SDK1: variants seen among roughly 807,000 people sequenced by gnomAD.
SDK1 encodes protein sidekick-1.
SDK1 carries 157 observed loss-of-function variants against 245.5 expected under a neutral mutation model. The observed-to-expected ratio is 0.64, with a 90% CI of 0.56 to 0.73. The LOEUF (loss-of-function observed/expected upper bound fraction) is 0.73. Ranked by LOEUF, SDK1 falls within the 30% of genes least tolerant of loss-of-function variation. The pLI, the probability that SDK1 is intolerant of heterozygous loss-of-function variation, is 0.00. For synonymous variants in SDK1, 1,647 were observed against 1,278.5 expected, an observed-to-expected ratio of 1.29 and a Z score of -6.15; for missense variants, 3,583 against 3,002.3, an observed-to-expected ratio of 1.19 and a Z score of -4.52.
chr7:3,937,960 T>C (rs1482000970), intron 5 of SDK1, among the ~76,000 whole-genome samples: 3 of 152,082 alleles, frequency 2.0e-5, no homozygotes. Flanking sequence ...GTCTCAGCCT[T>C]CTGAGTAACT....
At chr7:3,719,790 A>C (rs1265549328) in intron 4 of SDK1, among the ~76,000 whole-genome samples, 1 of 152,072 alleles carries the variant, frequency 6.6e-6, no homozygotes, top group African/African-American at 2.4e-5. Flanking sequence ...CATCCTGGCC[A>C]ACATGGTGAA....
At chr7:3,672,411 G>A (rs1783729940) in intron 4 of SDK1, among the ~76,000 whole-genome samples, 1 of 151,304 alleles carries the variant, frequency 6.6e-6, no homozygotes, top group Non-Finnish European at 1.5e-5. Context: ...TGAAAGCTGT[G>A]TTTATACTTC....
intron 1 of SDK1, among the ~76,000 whole-genome samples, chr7:3,421,760 G>T (rs143907384): frequency 6.6e-6 from 1 of 152,178 alleles, no homozygotes; most frequent in Non-Finnish European, 1.5e-5. Context: ...TAACTCCTCT[G>T]ATTTAGAGAT....
rs75160186 is a variant in SDK1, at chr7:4,233,871, C to T, written c.5992+452C>T. Reference sequence around the variant, plus strand: ...AGGCCCCTTATGGGCTTTGTGTCCACGCTGTGCACCGGCAATTCCTAATGT... The same window carrying T: ...AGGCCCCTTATGGGCTTTGTGTCCATGCTGTGCACCGGCAATTCCTAATGT... On this transcript the variant is annotated intron_variant, in intron 41 of 44. Transcript: ENST00000404826. Among the ~76,000 whole-genome samples the T allele has an allele frequency of 3.9e-3, 592 of 152,280 alleles. 7 individuals carry two copies. Among genetic ancestry groups the T allele is most frequent in the African/African-American group, 0.013 (560 of 41,556 alleles).
chr7:3,933,032 C>T (rs762036058), intron 5 of SDK1, among the ~76,000 whole-genome samples: 44 of 151,834 alleles, frequency 2.9e-4, no homozygotes, highest in East Asian at 1.6e-3. Context: ...TGCTGGTAGA[C>T]GACACAGCCC....
At chr7:4,140,078 C>T (rs1003644469) in intron 28 of SDK1, among the ~76,000 whole-genome samples, 2 of 152,136 alleles carry the variant, frequency 1.3e-5, no homozygotes, top group Admixed American at 6.5e-5. Flanking sequence ...GTCCCCCTGT[C>T]ACCACCTCCC....
intron 1 of SDK1, among the ~76,000 whole-genome samples, chr7:3,469,723 C>T (rs1049682398): frequency 4.6e-5 from 7 of 152,122 alleles, no homozygotes; most frequent in African/African-American, 1.4e-4. Context: ...TCCTTCCTAG[C>T]CATTGACAGA....
Position 4,084,732 on chromosome 7 carries a change from T to TTA in SDK1, c.3324+5149_3324+5150insAT, listed in dbSNP as rs371969484. On this transcript the variant is annotated intron_variant, in intron 22 of 44. Transcript: ENST00000404826. ...TTATGTTATGTTATGTTATGTTATG[T>TTA]TGTTACTTAAATGTATATTTTATTT... Among the ~76,000 whole-genome samples, 438 of 89,224 alleles carry TTA rather than the reference T, an allele frequency of 4.9e-3. 5 individuals are homozygous for TTA. Among genetic ancestry groups the TTA allele is most frequent in the African/African-American group, 0.016 (299 of 18,240 alleles). 58.5% of individuals were successfully genotyped at this position (89,224 alleles called of 152,430 possible).
At chr7:4,197,303 A>C (rs912557670) in intron 35 of SDK1, among the ~76,000 whole-genome samples, 5 of 149,874 alleles carry the variant, frequency 3.3e-5, no homozygotes, top group Non-Finnish European at 7.4e-5. Flanking sequence ...TCTCTGAAAA[A>C]AAAAAGAAAA....
intron 13 of SDK1, among the ~76,000 whole-genome samples, chr7:3,975,128 G>A (rs7786395): frequency 0.14 from 20,858 of 152,138 alleles, 4,718 homozygotes; most frequent in African/African-American, 0.47. Flanking sequence ...AATCTCCCCC[G>A]TCTCTGCTCT....
chr7:3,791,723 C>A (rs1781097367), intron 4 of SDK1, among the ~76,000 whole-genome samples: 1 of 152,152 alleles, frequency 6.6e-6, no homozygotes, highest in Admixed American at 6.5e-5. Context: ...GTGAAATTGA[C>A]CTTAATCAAG....
chr7:3,738,205 G>C (rs1010984014), intron 4 of SDK1, among the ~76,000 whole-genome samples: 1 of 152,136 alleles, frequency 6.6e-6, no homozygotes, highest in Non-Finnish European at 1.5e-5. Context: ...TCTTTGTTCT[G>C]TTTTGAGTTA....
chr7:3,650,260 A>G (rs1432911803), intron 4 of SDK1, among the ~76,000 whole-genome samples: 1 of 152,148 alleles, frequency 6.6e-6, no homozygotes, highest in East Asian at 1.9e-4. Context: ...TAGTGGCACT[A>G]AGTCCATTCA....
At chr7:4,248,496 A>G (rs1237537248) in intron 44 of SDK1, among the ~76,000 whole-genome samples, 1 of 151,894 alleles carries the variant, frequency 6.6e-6, no homozygotes, top group East Asian at 1.9e-4. Context: ...CACAACATAT[A>G]CACACCTAAA....
chr7:4,169,117 A>G (rs1011555589), intron 32 of SDK1, among the ~76,000 whole-genome samples: 2 of 152,166 alleles, frequency 1.3e-5, no homozygotes, highest in Non-Finnish European at 2.9e-5. Context: ...AGGGTCTTGG[A>G]AGTCACTGCC....
intron 4 of SDK1, among the ~76,000 whole-genome samples, chr7:3,808,379 C>T (rs997613561): frequency 2.6e-5 from 4 of 152,198 alleles, no homozygotes; most frequent in Non-Finnish European, 5.9e-5. Flanking sequence ...TTCACTCCCT[C>T]TGAAATCCTA....
At chr7:4,114,593 A>G (rs1157710524) in intron 25 of SDK1, among the ~76,000 whole-genome samples, 1 of 152,220 alleles carries the variant, frequency 6.6e-6, no homozygotes, top group Non-Finnish European at 1.5e-5. Context: ...GAATCTTTAA[A>G]ATACAAGGTA....
chr7:4,069,982 A>G (rs775380609), intron 20 of SDK1, among the ~76,000 whole-genome samples: 1 of 152,174 alleles, frequency 6.6e-6, no homozygotes, highest in Admixed American at 6.5e-5. Flanking sequence ...ACCCCACAGC[A>G]TGGGATGCTC....
chr7:3,870,775 A>G (rs969829883), intron 5 of SDK1, among the ~76,000 whole-genome samples: 1 of 151,982 alleles, frequency 6.6e-6, no homozygotes, highest in Admixed American at 6.6e-5. Flanking sequence ...GATTTTACCC[A>G]TTTTTCCACT....
Sources: allele counts gnomAD v4.1 joint callset (sites outside exome capture counted in the v4.1 genomes callset), GRCh38; gene constraint gnomAD v4.1.1; transcripts MANE v1.5; gene names NCBI Gene and HGNC (gene_info 2026-07-23, HGNC 2026-07-21).